Variants in NEURL1B observed in about 807,000 individuals in gnomAD.
NEURL1B encodes the protein neuralized E3 ubiquitin protein ligase 1B.
A neutral mutation model predicts 37.4 loss-of-function variants in NEURL1B; 13 were observed. The observed-to-expected ratio is 0.35, with a 90% CI of 0.23 to 0.55. The LOEUF is 0.55. Among genes scored for constraint, NEURL1B ranks in the 20% least tolerant of loss-of-function variants. NEURL1B has a pLI of 0.89. For missense variants in NEURL1B, 790 were observed against 879.2 expected (o/e 0.90, Z 1.28); for synonymous variants, 432 against 426.6 (o/e 1.01, Z -0.16).
At chr5:172,681,384 TACAG>T (rs1024270115) in intron 2 of NEURL1B, among the ~76,000 whole-genome samples, 2 of 152,228 alleles carry the variant, frequency 1.3e-5, no homozygotes, top group Admixed American at 6.5e-5. Flanking sequence ...AATAAAATGA[TACAG>T]ACAGATGTAG....
chr5:172,656,010 G>T (rs1757770000), intron 1 of NEURL1B, among the ~76,000 whole-genome samples: 1 of 152,244 alleles, frequency 6.6e-6, no homozygotes, highest in Non-Finnish European at 1.5e-5. Flanking sequence ...TACAGATGGA[G>T]CAATGATGAG....
chr5:172,683,990 G>A lies in NEURL1B; in HGVS notation c.1149G>A (p.Ala383=), dbSNP rs1201331774. The A allele has an allele frequency of 1.1e-5, 15 of 1,323,126 alleles. No homozygotes were observed. The highest frequency in any genetic ancestry group is 1.8e-5 in the South Asian group (1 of 56,210). 82.0% of individuals were successfully genotyped at this position (1,323,126 alleles called of 1,614,324 possible). A position where few individuals can be genotyped will look rare whatever the true frequency, so the allele number is the denominator to read the frequency against. The change falls in exon 3 of 5, where the codon GCG becomes GCA. Residue 383 remains alanine (A), a synonymous_variant. Coordinates refer to ENST00000369800, the MANE Select transcript of NEURL1B (RefSeq NM_001142651.3). The surrounding 1 kb of genome is among the most constrained non-coding windows in gnomAD (Gnocchi z 5.6). ...GGCCCGTGCCGAGCGGCGGCGACGC[G>A]CTCAGCTTCACGCTGCGGCCCGGCG... ...RAGPVPSGGD[A]LSFTLRPGGD... is the part of the protein sequence containing the mutation.
Position 172,687,424 on chromosome 5 carries a change from C to T in NEURL1B, c.*499C>T, listed in dbSNP as rs1372375371. ...AGTTGTTCACTTTCTGGGGATGGGA[C>T]ATAAGCTGGTTTTGAATGTATGAAG... On this transcript the variant is annotated 3_prime_UTR_variant, in exon 5 of 5. Coordinates refer to ENST00000369800, the MANE Select transcript of NEURL1B (RefSeq NM_001142651.3). 6.4e-6 allele frequency: 1 copy of T among 157,072 alleles called. No homozygotes were observed. The highest frequency in any genetic ancestry group is 1.4e-5 in the Non-Finnish European group (1 of 70,842). 9.7% of individuals were successfully genotyped at this position (157,072 alleles called of 1,614,324 possible).
At position 172,686,459 on chromosome 5, in the gene NEURL1B, A is replaced by G. The variant is rs1758498954; in HGVS notation, c.1423+163A>G. Among the ~76,000 whole-genome samples, 1 of 152,204 alleles carries G rather than the reference A, an allele frequency of 6.6e-6. No homozygotes were observed. The highest frequency in any genetic ancestry group is 1.9e-4 in the East Asian group (1 of 5,192). On this transcript the variant is annotated intron_variant, in intron 4 of 4. Coordinates refer to ENST00000369800, the MANE Select transcript of NEURL1B (RefSeq NM_001142651.3). This position sits in a 1 kb window ranked among gnomAD's most constrained non-coding sequence, Gnocchi z 7.9. ...AGCTGGAGGGAGGAGAAGTGTCTAG[A>G]TAGGGCATTCCAAAGGGTGACGATG...
rs1757905972 is a variant in NEURL1B, at chr5:172,661,751, C to T, written c.32-8034C>T. On this transcript the variant is annotated intron_variant, in intron 1 of 4. Transcript: ENST00000369800. The surrounding 1 kb of genome is among the most constrained non-coding windows in gnomAD (Gnocchi z 4.0). ...TCCAGCAGGCTGGAAGCCGGCGTCT[C>T]GGGGCCAGAGTATCGGGAGCTGTTG... Among the ~76,000 whole-genome samples the T allele has an allele frequency of 1.3e-5, 2 of 152,240 alleles. No homozygotes were observed. The highest frequency in any genetic ancestry group is 2.9e-5 in the Non-Finnish European group (2 of 68,038).
In NEURL1B at chr5:172,688,412, C is replaced by T. The variant is rs1232609846; in HGVS notation, c.*1487C>T. The T allele has an allele frequency of 1.3e-5, 2 of 152,722 alleles. No individual in the cohort carries two copies. Among genetic ancestry groups the T allele is most frequent in the African/African-American group, 2.4e-5 (1 of 41,472 alleles). The allele number at this position is 152,722 out of a possible 1,614,324, so 9.5% of individuals were successfully genotyped here. A position where few individuals can be genotyped will look rare whatever the true frequency, so the allele number is the denominator to read the frequency against. ...TTTGGAGTACAATTCCTAATCTGTT[C>T]ATGTCCTGCTGAAGGAGGGAAGGAG... On this transcript the variant is annotated 3_prime_UTR_variant, in exon 5 of 5. Transcript: ENST00000369800. The surrounding 1 kb of genome is among the most constrained non-coding windows in gnomAD (Gnocchi z 4.3).
intron 3 of NEURL1B, among the ~76,000 whole-genome samples, chr5:172,684,773 G>A (rs1195115306): frequency 6.6e-6 from 1 of 152,196 alleles, no homozygotes; most frequent in African/African-American, 2.4e-5. Flanking sequence ...CACACTCCAT[G>A]CCGGTTAGGA....
chr5:172,641,328 T>TCCTGGTC lies in NEURL1B; in HGVS notation c.-73_-67dup. ...CGATGCCCCGGAGCGTCGACCCCGG[T>TCCTGGTC]CCTGGTCCCTGGCCCGCCGCGTAAT... On this transcript the variant is annotated 5_prime_UTR_variant, in exon 1 of 5. It removes the in-frame stop codon of an upstream open reading frame in the 5' UTR. Transcript: ENST00000369800. This position sits in a 1 kb window ranked among gnomAD's most constrained non-coding sequence, Gnocchi z 6.4. The TCCTGGTC allele has an allele frequency of 2.3e-6, 3 of 1,297,498 alleles. No individual in the cohort carries two copies. Among genetic ancestry groups the TCCTGGTC allele is most frequent in the Non-Finnish European group, 3.0e-6 (3 of 1,011,532 alleles). The allele number at this position is 1,297,498 out of a possible 1,614,324, so 80.4% of individuals were successfully genotyped here.
Position 172,675,615 on chromosome 5 carries a change from G to GTGCTCCCTT in NEURL1B, c.577+5285_577+5286insTGCTCCCTT, listed in dbSNP as rs1173287890. ...GGAGAGGAAGCTTCTGCCAGGCCAT[G>GTGCTCCCTT]CGCTCCCTTCCCTCCCTTCTCCCTG... is the stretch of plus-strand genomic sequence containing the variant. On this transcript the variant is annotated intron_variant, in intron 2 of 4. Transcript: ENST00000369800. This position sits in a 1 kb window ranked among gnomAD's most constrained non-coding sequence, Gnocchi z 4.7. Among the ~76,000 whole-genome samples the GTGCTCCCTT allele has an allele frequency of 1.8e-5, 2 of 109,366 alleles. No homozygotes were observed. Among genetic ancestry groups the GTGCTCCCTT allele is most frequent in the East Asian group, 3.2e-4 (1 of 3,096 alleles). The allele number at this position is 109,366 out of a possible 152,430, so 71.7% of individuals were successfully genotyped here. A position where few individuals can be genotyped will look rare whatever the true frequency, so the allele number is the denominator to read the frequency against.
At chr5:172,671,576 CTTCT>C (rs1461523509) in intron 2 of NEURL1B, among the ~76,000 whole-genome samples, 23 of 152,312 alleles carry the variant, frequency 1.5e-4, no homozygotes, top group African/African-American at 4.6e-4. Flanking sequence ...TGGTATCTGG[CTTCT>C]TTATCTCAGC....
At chr5:172,663,539 A>G (rs10061307) in intron 1 of NEURL1B, among the ~76,000 whole-genome samples, 105,432 of 143,220 alleles carry the variant, frequency 0.74, 39,059 homozygotes, top group Admixed American at 0.76. Flanking sequence ...AAAAAAAAAA[A>G]AAAGCCATGG....
At chr5:172,671,775 C>T (rs1001068689) in intron 2 of NEURL1B, among the ~76,000 whole-genome samples, 2 of 152,382 alleles carry the variant, frequency 1.3e-5, no homozygotes, top group South Asian at 4.1e-4. Flanking sequence ...ATTCTTGATC[C>T]TCTACCTCAT....
Position 172,684,081 on chromosome 5 carries a change from G to C in NEURL1B, c.1240G>C (p.Ala414Pro). 2 of 1,305,022 alleles carry C rather than the reference G, an allele frequency of 1.5e-6. No individual in the cohort carries two copies. The highest frequency in any genetic ancestry group is 2.0e-5 in the South Asian group (1 of 49,040). 80.8% of individuals were successfully genotyped at this position (1,305,022 alleles called of 1,614,324 possible). Reference protein sequence around the residue: ...GRLLCVDTTQALWAFFAVRGG... With the variant: ...GRLLCVDTTQPLWAFFAVRGG... ...CCTGCTGTGCGTCGACACCACGCAGGCGCTCTGGGCCTTCTTCGCCGTGCG... is the reference window on the plus strand; with the variant it reads ...CCTGCTGTGCGTCGACACCACGCAGCCGCTCTGGGCCTTCTTCGCCGTGCG... The change falls in exon 3 of 5, where the codon GCG becomes CCG. Residue 414 changes from alanine to proline, a missense_variant. Ala to Pro is a conservative substitution (Grantham distance 27). Transcript: ENST00000369800.
chr5:172,672,538 T>TC lies in NEURL1B; in HGVS notation c.577+2209dup, dbSNP rs1391154491. On this transcript the variant is annotated intron_variant, in intron 2 of 4. Coordinates refer to ENST00000369800, the MANE Select transcript of NEURL1B (RefSeq NM_001142651.3). ...GATTGCATAAATCTGTGAGGTGAAC[T>TC]CTCCCCCCCCCACTCTATTTCCTTA... Among the ~76,000 whole-genome samples, 85 of 65,504 alleles carry TC rather than the reference T, an allele frequency of 1.3e-3. 1 individual carries two copies. Among genetic ancestry groups the TC allele is most frequent in the African/African-American group, 8.2e-3 (80 of 9,810 alleles). 43.0% of individuals were successfully genotyped at this position (65,504 alleles called of 152,430 possible).
At chr5:172,679,122 C>T (rs772467353) in intron 2 of NEURL1B, among the ~76,000 whole-genome samples, 4 of 152,248 alleles carry the variant, frequency 2.6e-5, no homozygotes, top group Admixed American at 6.5e-5. Context: ...GGCCAAGTCC[C>T]GGTGCTGGGC....
chr5:172,665,006 T>C lies in NEURL1B; in HGVS notation c.32-4779T>C, dbSNP rs1185337985. ...AAGGCAGTACTTCTCTCCACCCCAG[T>C]ATTCATTTAAATTGCAGGCCGCTCT... On this transcript the variant is annotated intron_variant, in intron 1 of 4. Transcript: ENST00000369800. The surrounding 1 kb of genome is among the most constrained non-coding windows in gnomAD (Gnocchi z 4.1). 6.6e-6 allele frequency among the ~76,000 whole-genome samples: 1 copy of C among 152,208 alleles called. No individual in the cohort carries two copies. The highest frequency in any genetic ancestry group is 1.5e-5 in the Non-Finnish European group (1 of 68,036).
chr5:172,673,060 T>A (rs1002557799), intron 2 of NEURL1B, among the ~76,000 whole-genome samples: 2 of 152,206 alleles, frequency 1.3e-5, no homozygotes, highest in Non-Finnish European at 2.9e-5. Context: ...AAGCGAGTTG[T>A]CATTGGATAC....
chr5:172,687,498 ATTTTC>A lies in NEURL1B; in HGVS notation c.*575_*579del, dbSNP rs1004759278. On this transcript the variant is annotated 3_prime_UTR_variant, in exon 5 of 5. Coordinates refer to ENST00000369800, the MANE Select transcript of NEURL1B (RefSeq NM_001142651.3). ...GGTGGTGTAGAAAAGAGATGCTCAG[ATTTTC>A]TAAGGGGAGGCAAAAATAACTCATT... The A allele has an allele frequency of 1.3e-5, 2 of 152,270 alleles. No homozygotes were observed. Among genetic ancestry groups the A allele is most frequent in the Non-Finnish European group, 2.9e-5 (2 of 68,220 alleles). 9.4% of individuals were successfully genotyped at this position (152,270 alleles called of 1,614,324 possible). A position where few individuals can be genotyped will look rare whatever the true frequency, so the allele number is the denominator to read the frequency against.
rs565282231 is a variant in NEURL1B at position 172,685,851 on chromosome 5, C to T, written c.1298-320C>T. Reference sequence around the variant, plus strand: ...CTCGGGCCTTACGGGGGTTATGTGCCCTTTCCTGAACCACCACTATTGAGA... The same window carrying T: ...CTCGGGCCTTACGGGGGTTATGTGCTCTTTCCTGAACCACCACTATTGAGA... On this transcript the variant is annotated intron_variant, in intron 3 of 4. Coordinates refer to ENST00000369800, the MANE Select transcript of NEURL1B (RefSeq NM_001142651.3). Among the ~76,000 whole-genome samples the T allele has an allele frequency of 2.6e-5, 4 of 152,260 alleles. No homozygotes were observed. The East Asian group carries it at 7.7e-4, about 29-fold the overall frequency.
Sources: allele counts gnomAD v4.1 joint callset (sites outside exome capture counted in the v4.1 genomes callset), GRCh38; gene constraint gnomAD v4.1.1; non-coding constraint Gnocchi (gnomAD v3.1); transcripts MANE v1.5; gene names NCBI Gene and HGNC (gene_info 2026-07-23, HGNC 2026-07-21).